DCC: variants seen among roughly 807,000 people sequenced by gnomAD.
DCC encodes the protein DCC netrin 1 receptor.
In DCC, 58 loss-of-function variants were observed where a neutral mutation model predicts 172.5. That is an observed-to-expected ratio of 0.34 (90% CI 0.27 to 0.42). DCC has a LOEUF of 0.42. Ranked by LOEUF, DCC falls within the 10% of genes least tolerant of loss-of-function variation. DCC has a pLI of 1.00. For missense variants in DCC, 1,740 were observed against 1,791.0 expected, an observed-to-expected ratio of 0.97 and a Z score of 0.51; for synonymous variants, 709 against 644.5, an observed-to-expected ratio of 1.10 and a Z score of -1.52.
At chr18:52,538,765 AT>A (rs1250302780) in intron 1 of DCC, among the ~76,000 whole-genome samples, 1 of 152,148 alleles carries the variant, frequency 6.6e-6, no homozygotes, top group Non-Finnish European at 1.5e-5. Flanking sequence ...TCTTACAAAC[AT>A]GTTTTTTTTT....
chr18:53,154,832 A>T (rs566724468), intron 7 of DCC, among the ~76,000 whole-genome samples: 1 of 152,288 alleles, frequency 6.6e-6, no homozygotes, highest in African/African-American at 2.4e-5. Flanking sequence ...AATTCACTCC[A>T]GTGTGTTAGT....
At chr18:52,865,022 C>T (rs181058254) in intron 2 of DCC, among the ~76,000 whole-genome samples, 19 of 152,118 alleles carry the variant, frequency 1.2e-4, no homozygotes, top group South Asian at 1.0e-3. Context: ...CCTGCCACCA[C>T]GCCTGGCTAA....
Position 52,415,881 on chromosome 18 carries a change from A to G in DCC, c.91+75003A>G, listed in dbSNP as rs576059116. On this transcript the variant is annotated intron_variant, in intron 1 of 28. Coordinates refer to ENST00000442544, the MANE Select transcript of DCC (RefSeq NM_005215.4). Reference sequence around the variant, plus strand: ...TTGTGTCTCTATTTCCTTCAGTTCTACTCTGATTTTAGTTATTTCTTGCCG... The same window carrying G: ...TTGTGTCTCTATTTCCTTCAGTTCTGCTCTGATTTTAGTTATTTCTTGCCG... Among the ~76,000 whole-genome samples, 325 of 151,670 alleles carry G rather than the reference A, an allele frequency of 2.1e-3. 1 individual carries two copies. The highest frequency in any genetic ancestry group is 6.1e-3 in the African/African-American group (252 of 41,336).
chr18:53,037,756 T>G (rs2042115726), intron 5 of DCC, among the ~76,000 whole-genome samples: 2 of 151,990 alleles, frequency 1.3e-5, no homozygotes, highest in South Asian at 4.1e-4. Flanking sequence ...ATTCCATTTA[T>G]GGGTTCACAA....
chr18:52,874,725 A>C (rs534361499), intron 2 of DCC, among the ~76,000 whole-genome samples: 1 of 152,286 alleles, frequency 6.6e-6, no homozygotes, highest in South Asian at 2.1e-4. Flanking sequence ...CCACAAGAGG[A>C]GACAGAGGAA....
intron 7 of DCC, among the ~76,000 whole-genome samples, chr18:53,099,935 C>CT (rs1476054809): frequency 1.4e-4 from 16 of 117,116 alleles, no homozygotes; most frequent in African/African-American, 4.2e-4. Flanking sequence ...CTTTTCTTTT[C>CT]TTTCTTTCTT....
chr18:52,957,755 T>G (rs2040769862), intron 5 of DCC, among the ~76,000 whole-genome samples: 1 of 152,054 alleles, frequency 6.6e-6, no homozygotes. Flanking sequence ...GAGAGTACCT[T>G]GTGCTCCATG....
chr18:52,405,314 T>C (rs2144387539), intron 1 of DCC, among the ~76,000 whole-genome samples: 1 of 146,690 alleles, frequency 6.8e-6, no homozygotes, highest in East Asian at 2.0e-4. Context: ...CCACATCCTC[T>C]CCAGCACCTG....
At chr18:53,313,177 G>A (rs895543026) in intron 13 of DCC, among the ~76,000 whole-genome samples, 1 of 152,160 alleles carries the variant, frequency 6.6e-6, no homozygotes, top group Admixed American at 6.5e-5. Flanking sequence ...GCTTGGTGGT[G>A]GTTATTGTTG....
intron 22 of DCC, among the ~76,000 whole-genome samples, chr18:53,447,807 G>A (rs1013970461): frequency 2.0e-5 from 3 of 152,054 alleles, no homozygotes; most frequent in Admixed American, 1.3e-4. Context: ...TAAATAATAA[G>A]TAAAACTGTG....
chr18:52,861,045 G>T lies in DCC; in HGVS notation c.413-44999G>T, dbSNP rs116569278. On this transcript the variant is annotated intron_variant, in intron 2 of 28. Transcript: ENST00000442544. ...AAAAAAAAAAAATTTTGGCTTCACT[G>T]TGACTTTTTCATAACAAATCTCAGG... is the stretch of plus-strand genomic sequence containing the variant. Among the ~76,000 whole-genome samples the T allele has an allele frequency of 3.6e-3, 540 of 151,084 alleles. 4 individuals carry two copies. Among genetic ancestry groups the T allele is most frequent in the African/African-American group, 0.012 (514 of 41,178 alleles).
chr18:52,757,697 A>C (rs2145143032), intron 2 of DCC, among the ~76,000 whole-genome samples: 1 of 152,274 alleles, frequency 6.6e-6, no homozygotes, highest in East Asian at 1.9e-4. Context: ...TTAATTTTTC[A>C]GCATTTACAT....
intron 22 of DCC, among the ~76,000 whole-genome samples, chr18:53,438,757 T>C (rs1001647301): frequency 6.6e-6 from 1 of 152,216 alleles, no homozygotes; most frequent in Non-Finnish European, 1.5e-5. Context: ...AGGTGTCAGA[T>C]GTTAGAAGAA....
chr18:53,444,865 C>CT (rs1482905936), intron 22 of DCC, among the ~76,000 whole-genome samples: 1 of 151,990 alleles, frequency 6.6e-6, no homozygotes, highest in Non-Finnish European at 1.5e-5. Flanking sequence ...GAACATCTAC[C>CT]TTTTTTTAGT....
intron 12 of DCC, among the ~76,000 whole-genome samples, chr18:53,294,469 G>C (rs1276696422): frequency 1.3e-5 from 2 of 152,202 alleles, no homozygotes; most frequent in Non-Finnish European, 2.9e-5. Flanking sequence ...GAATCAGAAG[G>C]CTAGTAGGTT....
At chr18:53,143,650 T>C (rs543581589) in intron 7 of DCC, among the ~76,000 whole-genome samples, 1 of 152,312 alleles carries the variant, frequency 6.6e-6, no homozygotes, top group African/African-American at 2.4e-5. Flanking sequence ...CAAGAGTGAG[T>C]TAGGTTTTGT....
At chr18:52,593,847 C>G in intron 1 of DCC, among the ~76,000 whole-genome samples, 1 of 152,222 alleles carries the variant, frequency 6.6e-6, no homozygotes. Flanking sequence ...TCACCCCTCT[C>G]AGGTTGAAAC....
chr18:52,515,279 A>G (rs988045217), intron 1 of DCC, among the ~76,000 whole-genome samples: 1 of 152,154 alleles, frequency 6.6e-6, no homozygotes, highest in Non-Finnish European at 1.5e-5. Context: ...ACCTCCACGT[A>G]TATCTTATAC....
intron 5 of DCC, among the ~76,000 whole-genome samples, chr18:53,012,217 A>G (rs1452885544): frequency 6.6e-6 from 1 of 151,996 alleles, no homozygotes; most frequent in Non-Finnish European, 1.5e-5. Flanking sequence ...GTGCATCGGT[A>G]TATAAAATTG....
Sources: gnomAD v4.1 joint callset for allele counts (sites outside exome capture counted in the v4.1 genomes callset) on GRCh38, gnomAD v4.1.1 for gene constraint, MANE v1.5 for transcripts, NCBI Gene and HGNC (gene_info 2026-07-23, HGNC 2026-07-21) for gene names.